Variants in FAM78B observed in about 807,000 individuals in gnomAD.
FAM78B encodes the protein protein FAM78B.
In FAM78B, 10 loss-of-function variants were observed where a neutral mutation model predicts 20.0. The observed-to-expected ratio is 0.50, with a 90% CI of 0.31 to 0.85. The LOEUF is 0.85. Among genes scored for constraint, FAM78B ranks in the 40% least tolerant of loss-of-function variants. The probability of loss-of-function intolerance (pLI) is 0.05; values close to 1 mark genes in which losing one functional copy is unlikely to be tolerated. For missense variants in FAM78B, 283 were observed against 345.0 expected (o/e 0.82, Z 1.42); for synonymous variants, 135 against 132.8 (o/e 1.02, Z -0.12).
At chr1:166,077,838 TATATATATAATA>T (rs1652355405) in intron 1 of FAM78B, among the ~76,000 whole-genome samples, 1 of 92,318 alleles carries the variant, frequency 1.1e-5, no homozygotes, top group African/African-American at 3.3e-5. Flanking sequence ...ATATATAATT[TATATATATAATA>T]ATATATATAA....
intron 1 of FAM78B, among the ~76,000 whole-genome samples, chr1:166,109,868 G>GTA (rs1167115543): frequency 0.011 from 98 of 8,566 alleles, 14 homozygotes; most frequent in African/African-American, 0.026. Context: ...ATATGTATGT[G>GTA]TATATATATA....
downstream of FAM78B, among the ~76,000 whole-genome samples, chr1:166,065,745 C>G (rs1199084521): frequency 6.6e-6 from 1 of 152,076 alleles, no homozygotes; most frequent in Non-Finnish European, 1.5e-5. Context: ...CAGATGTACT[C>G]AAGATCTCAA....
intron 1 of FAM78B, among the ~76,000 whole-genome samples, chr1:166,150,918 C>T (rs1049878176): frequency 1.3e-5 from 2 of 152,040 alleles, no homozygotes; most frequent in East Asian, 3.9e-4. Context: ...GAACTTGTCT[C>T]TACCTATATT....
intron 1 of FAM78B, among the ~76,000 whole-genome samples, chr1:166,108,046 A>G (rs773073552): frequency 4.6e-5 from 7 of 152,154 alleles, no homozygotes; most frequent in Non-Finnish European, 8.8e-5. Context: ...AATACTGAAT[A>G]GGGAAAGGTC....
chr1:166,139,209 GGAGATGAGCCAAC>G (rs1234308262), intron 1 of FAM78B, among the ~76,000 whole-genome samples: 1 of 152,138 alleles, frequency 6.6e-6, no homozygotes, highest in Non-Finnish European at 1.5e-5. Context: ...TTATCTAGTT[GGAGATGAGCCAAC>G]ATAAGAAACT....
At chr1:166,124,006 G>A (rs560510417) in intron 1 of FAM78B, among the ~76,000 whole-genome samples, 1 of 152,222 alleles carries the variant, frequency 6.6e-6, no homozygotes, top group Non-Finnish European at 1.5e-5. Context: ...CAGAAGCCAG[G>A]AGAAGGTGCT....
At chr1:166,068,102 G>GGAGTT, downstream of FAM78B, among the ~76,000 whole-genome samples, 2 of 152,120 alleles carry the variant, frequency 1.3e-5, no homozygotes, top group Non-Finnish European at 2.9e-5. Context: ...TTACAACTTT[G>GGAGTT]GAGTTTAAAA....
chr1:166,078,809 G>A (rs1449621089), intron 1 of FAM78B, among the ~76,000 whole-genome samples: 1 of 152,134 alleles, frequency 6.6e-6, no homozygotes, highest in Non-Finnish European at 1.5e-5. Flanking sequence ...GAGTCAGGGG[G>A]AACCACACAT....
At chr1:166,098,336 C>A (rs1571159428) in intron 1 of FAM78B, among the ~76,000 whole-genome samples, 1 of 152,148 alleles carries the variant, frequency 6.6e-6, no homozygotes, top group South Asian at 2.1e-4. Flanking sequence ...ACAGCCCTGC[C>A]CCGCCGCCTC....
chr1:166,148,226 A>G (rs1306107660), intron 1 of FAM78B, among the ~76,000 whole-genome samples: 1 of 152,224 alleles, frequency 6.6e-6, no homozygotes, highest in Non-Finnish European at 1.5e-5. Flanking sequence ...ATAAATCTTG[A>G]AATACTTTTG....
At position 166,109,852 on chromosome 1, in the gene FAM78B, A is replaced by ATG. The variant is rs1376275588; in HGVS notation, c.264-39090_264-39089insCA. ...TATATGTATATATGTATATATATAT[A>ATG]TATATATATGTATGTGTATATATAT... On this transcript the variant is annotated intron_variant, in intron 1 of 1. Coordinates refer to ENST00000354422, the MANE Select transcript of FAM78B (RefSeq NM_001017961.5). Among the ~76,000 whole-genome samples, 21 of 25,442 alleles carry ATG rather than the reference A, an allele frequency of 8.3e-4. 2 individuals carry two copies. Among genetic ancestry groups the ATG allele is most frequent in the African/African-American group, 1.4e-3 (13 of 9,008 alleles). 16.7% of individuals were successfully genotyped at this position (25,442 alleles called of 152,430 possible).
intron 1 of FAM78B, among the ~76,000 whole-genome samples, chr1:166,107,502 T>C (rs1653832124): frequency 6.6e-6 from 1 of 152,054 alleles, no homozygotes; most frequent in South Asian, 2.1e-4. Flanking sequence ...GAAATGGTAA[T>C]TTAAAAATTA....
Position 166,146,582 on chromosome 1 carries a change from A to AG in FAM78B, c.263+19403dup, listed in dbSNP as rs1436258584. On this transcript the variant is annotated intron_variant, in intron 1 of 1. Coordinates refer to ENST00000354422, the MANE Select transcript of FAM78B (RefSeq NM_001017961.5). ...TCAGAGCTCTACTAGGCCAAGGGCA[A>AG]GGGGGGTCTGAGGTTGCCTATGGTA... is the stretch of plus-strand genomic sequence containing the variant. 3.9e-5 allele frequency among the ~76,000 whole-genome samples: 6 copies of AG among 152,174 alleles called. 1 individual carries two copies. The highest frequency in any genetic ancestry group is 3.3e-4 in the Admixed American group (5 of 15,278).
intron 1 of FAM78B, among the ~76,000 whole-genome samples, chr1:166,110,712 A>C (rs150195718): frequency 1.5e-4 from 23 of 152,268 alleles, no homozygotes; most frequent in Admixed American, 2.6e-4. Flanking sequence ...TAGAGAGTAG[A>C]GCCTATGCGC....
chr1:166,149,706 AT>A (rs1345883921), intron 1 of FAM78B, among the ~76,000 whole-genome samples: 1 of 152,184 alleles, frequency 6.6e-6, no homozygotes, highest in Non-Finnish European at 1.5e-5. Flanking sequence ...AGCCTTTTTC[AT>A]TACATTCAAG....
intron 1 of FAM78B, chr1:166,147,974 G>C (rs1317319796): frequency 1.3e-5 from 2 of 152,122 alleles, no homozygotes; most frequent in African/African-American, 2.4e-5. Flanking sequence ...AATCAAAGAG[G>C]GGTTAAAGGA....
intron 1 of FAM78B, among the ~76,000 whole-genome samples, 172 bp from the exon 2 acceptor site, chr1:166,070,935 C>T (rs1652003494): frequency 6.6e-6 from 1 of 152,066 alleles, no homozygotes; most frequent in Non-Finnish European, 1.5e-5. Context: ...TAAATGAGAA[C>T]AAACCAAAAT....
chr1:166,070,860 G>T (rs1017999982), intron 1 of FAM78B, 97 bp from the exon 2 acceptor site: 1 of 1,338,868 alleles, frequency 7.5e-7, no homozygotes, highest in Non-Finnish European at 9.9e-7. Flanking sequence ...AGTCAACTTG[G>T]GCAAAATGGG....
intron 1 of FAM78B, among the ~76,000 whole-genome samples, chr1:166,144,012 A>G (rs77139614): frequency 2.0e-5 from 3 of 152,132 alleles, no homozygotes; most frequent in Non-Finnish European, 4.4e-5. Context: ...TGATGACAAT[A>G]AAAAAGGAGG....
Sources: allele counts gnomAD v4.1 joint callset (sites outside exome capture counted in the v4.1 genomes callset), GRCh38; gene constraint gnomAD v4.1.1; transcripts MANE v1.5; gene names NCBI Gene and HGNC (gene_info 2026-07-23, HGNC 2026-07-21).